The following ZDHHC21 variants were observed in gnomAD, a reference collection of about 807,000 sequenced individuals.
ZDHHC21 encodes the protein palmitoyltransferase ZDHHC21.
Under a neutral mutation model 34.6 loss-of-function variants are expected in ZDHHC21, and 15 were observed. The observed-to-expected ratio is 0.43, with a 90% CI of 0.29 to 0.67. The LOEUF is 0.67. ZDHHC21 is among the 30% of genes least tolerant of loss of function. The pLI is 0.14. For synonymous variants in ZDHHC21, 142 were observed against 101.8 expected (o/e 1.40, Z -2.38); for missense variants, 344 against 327.7 (o/e 1.05, Z -0.38).
chr9:14,591,105 A>G, the ZDHHC21 span, among the ~76,000 whole-genome samples: 1 of 152,274 alleles, frequency 6.6e-6, no homozygotes, highest in South Asian at 2.1e-4. Context: ...AAAGAGGTAT[A>G]CCTCATAAAC....
intron 2 of ZDHHC21, among the ~76,000 whole-genome samples, chr9:14,681,251 G>T (rs1258566701): frequency 6.6e-6 from 1 of 151,950 alleles, no homozygotes; most frequent in African/African-American, 2.4e-5. Flanking sequence ...TTCAGACTCG[G>T]TCTCACTATG....
At chr9:14,684,172 A>G (rs1400460945) in intron 2 of ZDHHC21, among the ~76,000 whole-genome samples, 3 of 151,094 alleles carry the variant, frequency 2.0e-5, no homozygotes, top group Non-Finnish European at 4.4e-5. Flanking sequence ...CACCACTCCT[A>G]TTCAACATAG....
At chr9:14,643,234 T>A (rs940344812) in intron 7 of ZDHHC21, among the ~76,000 whole-genome samples, 2 of 151,528 alleles carry the variant, frequency 1.3e-5, no homozygotes, top group Non-Finnish European at 2.9e-5. Flanking sequence ...GGCAACAGAG[T>A]GAGACTCTGT....
the ZDHHC21 span, among the ~76,000 whole-genome samples, chr9:14,605,182 A>C: frequency 6.7e-6 from 1 of 149,676 alleles, no homozygotes; most frequent in Admixed American, 6.7e-5. Flanking sequence ...GAGTGCAAAT[A>C]TCTCTTCCAG....
chr9:14,650,243 A>G (rs1428488929), intron 7 of ZDHHC21, among the ~76,000 whole-genome samples: 2 of 152,012 alleles, frequency 1.3e-5, no homozygotes, highest in East Asian at 3.8e-4. Flanking sequence ...ACTATATCTG[A>G]CATTATTCTT....
intron 8 of ZDHHC21, 32 bp from the exon 9 acceptor site, chr9:14,619,714 A>G: frequency 8.3e-7 from 1 of 1,206,164 alleles, no homozygotes. Context: ...ATTCAGATGT[A>G]AGAAAGTTAT....
intron 7 of ZDHHC21, among the ~76,000 whole-genome samples, chr9:14,645,535 TA>T (rs1052516811): frequency 2.1e-4 from 32 of 152,072 alleles, no homozygotes; most frequent in Admixed American, 1.9e-3. Context: ...TTAGAAAGGA[TA>T]AAAAATATTT....
chr9:14,664,423 G>T lies in ZDHHC21; in HGVS notation c.254-2097C>A, dbSNP rs1488152723. The stretch of plus-strand genomic sequence containing the variant: ...AGATCAAACTGCAAGGCGGCAGCCA[G>T]GCTGGGGGAGGGGCGCCCGCCATTG... On this transcript the variant is annotated intron_variant, in intron 5 of 9. Coordinates refer to ENST00000380916, the MANE Select transcript of ZDHHC21 (RefSeq NM_178566.6). Among the ~76,000 whole-genome samples, 1,441 of 150,816 alleles carry T rather than the reference G, an allele frequency of 9.6e-3. 47 individuals carry two copies. Among genetic ancestry groups the T allele is most frequent in the Admixed American group, 0.068 (1,036 of 15,158 alleles).
chr9:14,674,609 T>A (rs993604020), intron 3 of ZDHHC21, among the ~76,000 whole-genome samples: 1 of 152,020 alleles, frequency 6.6e-6, no homozygotes, highest in Non-Finnish European at 1.5e-5. Context: ...TATCATAAGC[T>A]TCAAATAATT....
intron 1 of ZDHHC21, among the ~76,000 whole-genome samples, 196 bp from the exon 2 acceptor site, chr9:14,690,581 A>T (rs1466721684): frequency 6.6e-6 from 1 of 152,208 alleles, no homozygotes; most frequent in Non-Finnish European, 1.5e-5. Flanking sequence ...CTACCCTGAG[A>T]GAAATAGCAC....
rs1824434774 is a variant in ZDHHC21 at position 14,617,494 on chromosome 9, A to G, written c.*1472T>C. ...CCTTCTGTTTAATTATTTCCCAGGT[A>G]TTGTTCCTTACTTTCAAAACTAGCT... On this transcript the variant is annotated 3_prime_UTR_variant, in exon 10 of 10. Coordinates refer to ENST00000380916, the MANE Select transcript of ZDHHC21 (RefSeq NM_178566.6). 1 of 151,954 alleles carries G rather than the reference A, an allele frequency of 6.6e-6. No homozygotes were observed. Among genetic ancestry groups the G allele is most frequent in the Admixed American group, 6.6e-5 (1 of 15,228 alleles). The allele number at this position is 151,954 out of a possible 1,614,324, so 9.4% of individuals were successfully genotyped here.
intron 6 of ZDHHC21, 123 bp from the exon 7 acceptor site, chr9:14,659,010 G>A: frequency 9.4e-6 from 9 of 952,850 alleles, no homozygotes; most frequent in Non-Finnish European, 1.4e-5. Flanking sequence ...GATATGCTAT[G>A]GCCACTTGAA....
chr9:14,599,740 C>G, the ZDHHC21 span, among the ~76,000 whole-genome samples: 1 of 152,118 alleles, frequency 6.6e-6, no homozygotes. Flanking sequence ...AGTCTGAAGT[C>G]AACCTGGGAT....
At chr9:14,609,550 C>A (rs1451973756), downstream of ZDHHC21, among the ~76,000 whole-genome samples, 1 of 152,092 alleles carries the variant, frequency 6.6e-6, no homozygotes, top group Admixed American at 6.6e-5. Flanking sequence ...TCTGTCACCA[C>A]AAACTTAACC....
At chr9:14,657,819 T>TC (rs1832542861) in intron 7 of ZDHHC21, among the ~76,000 whole-genome samples, 1 of 152,158 alleles carries the variant, frequency 6.6e-6, no homozygotes, top group African/African-American at 2.4e-5. Flanking sequence ...ATTACCTTAA[T>TC]CTTACTGAGG....
At chr9:14,606,855 G>C (rs1823029254), downstream of ZDHHC21, among the ~76,000 whole-genome samples, 1 of 151,970 alleles carries the variant, frequency 6.6e-6, no homozygotes, top group Non-Finnish European at 1.5e-5. Flanking sequence ...AAAAAAACCA[G>C]ACGTTCACCT....
chr9:14,632,130 A>G (rs1311637718), intron 8 of ZDHHC21, among the ~76,000 whole-genome samples: 1 of 152,074 alleles, frequency 6.6e-6, no homozygotes, highest in Non-Finnish European at 1.5e-5. Flanking sequence ...CCTGTATAGC[A>G]TATATACTGT....
chr9:14,629,736 G>C (rs1826989231), intron 8 of ZDHHC21, among the ~76,000 whole-genome samples: 1 of 152,076 alleles, frequency 6.6e-6, no homozygotes. Context: ...GGTGGTGGCT[G>C]CTGAAGGCTG....
At chr9:14,673,579 A>G (rs1313111008) in intron 4 of ZDHHC21, among the ~76,000 whole-genome samples, 1 of 151,172 alleles carries the variant, frequency 6.6e-6, no homozygotes, top group Non-Finnish European at 1.5e-5. Flanking sequence ...TGAGTGCTCA[A>G]TCCAGGACTG....
Sources: allele counts gnomAD v4.1 joint callset (sites outside exome capture counted in the v4.1 genomes callset), GRCh38; gene constraint gnomAD v4.1.1; transcripts MANE v1.5; gene names NCBI Gene and HGNC (gene_info 2026-07-23, HGNC 2026-07-21).